The following DGLUCY variants were observed in gnomAD, a reference collection of about 807,000 sequenced individuals.
DGLUCY encodes the protein D-glutamate cyclase, mitochondrial.
A neutral mutation model predicts 58.5 loss-of-function variants in DGLUCY; 58 were observed. The observed-to-expected ratio is 0.99, with a 90% confidence interval of 0.80 to 1.23. DGLUCY has a LOEUF of 1.23. DGLUCY is among the 50% of genes most tolerant of loss of function. The pLI, the probability that DGLUCY is intolerant of heterozygous loss-of-function variation, is 0.00. For synonymous variants in DGLUCY, 325 were observed against 314.1 expected, an observed-to-expected ratio of 1.03 and a Z score of -0.37; for missense variants, 779 against 784.7, an observed-to-expected ratio of 0.99 and a Z score of 0.09.
At chr14:91,187,358 C>T (rs950907048) in intron 8 of DGLUCY, among the ~76,000 whole-genome samples, 4 of 152,210 alleles carry the variant, frequency 2.6e-5, no homozygotes, top group African/African-American at 9.6e-5. Flanking sequence ...CTCTCACGTC[C>T]CTTCAGTCCA....
At chr14:91,188,786 G>A (rs899956998) in intron 8 of DGLUCY, 124 bp from the exon 9 acceptor site, 36 of 1,116,716 alleles carry the variant, frequency 3.2e-5, no homozygotes, top group East Asian at 1.8e-4. Context: ...CTGTGATCAC[G>A]CCACTGCCTT....
At chr14:91,086,689 C>A (rs1037578572) in intron 1 of DGLUCY, among the ~76,000 whole-genome samples, 2 of 152,112 alleles carry the variant, frequency 1.3e-5, no homozygotes, top group Non-Finnish European at 2.9e-5. Context: ...TTCAGATTCT[C>A]TATCAGATCA....
At chr14:91,072,993 C>CA (rs1241063324) in intron 1 of DGLUCY, among the ~76,000 whole-genome samples, 2 of 149,066 alleles carry the variant, frequency 1.3e-5, no homozygotes, top group African/African-American at 2.5e-5. Context: ...TGGGTGACAG[C>CA]AAAAAAAATA....
At chr14:91,097,019 G>A (rs1812448421) in intron 1 of DGLUCY, among the ~76,000 whole-genome samples, 1 of 152,250 alleles carries the variant, frequency 6.6e-6, no homozygotes, top group African/African-American at 2.4e-5. Context: ...TAGACTGGTG[G>A]TGGTTGCCTT....
chr14:91,156,634 C>T (rs1354992528), intron 1 of DGLUCY, among the ~76,000 whole-genome samples: 1 of 152,190 alleles, frequency 6.6e-6, no homozygotes, highest in Non-Finnish European at 1.5e-5. Flanking sequence ...GTCTGTGGGG[C>T]TCCTCTCTGA....
chr14:91,122,601 A>AGTT (rs2045437772), intron 1 of DGLUCY, among the ~76,000 whole-genome samples: 1 of 65,866 alleles, frequency 1.5e-5, no homozygotes, highest in Non-Finnish European at 2.7e-5. Context: ...AAAAGAAAAA[A>AGTT]GTTTTTTTTT....
intron 1 of DGLUCY, among the ~76,000 whole-genome samples, chr14:91,150,363 A>C (rs975487560): frequency 3.3e-5 from 5 of 152,198 alleles, no homozygotes; most frequent in Admixed American, 2.0e-4. Context: ...ACACACACTG[A>C]GTCTGGTGTG....
intron 1 of DGLUCY, among the ~76,000 whole-genome samples, chr14:91,099,673 G>C (rs779997772): frequency 2.6e-5 from 4 of 152,124 alleles, no homozygotes; most frequent in Non-Finnish European, 4.4e-5. Flanking sequence ...ACCAACCCAG[G>C]GGATCTGCAG....
rs71120121 is a variant in DGLUCY at position 91,150,218 on chromosome 14, C to CAA, written c.-81-7398_-81-7397dup. Among the ~76,000 whole-genome samples, 495 of 64,670 alleles carry CAA rather than the reference C, an allele frequency of 7.7e-3. 27 individuals are homozygous for CAA. Among genetic ancestry groups the CAA allele is most frequent in the African/African-American group, 0.023 (362 of 15,874 alleles). 42.4% of individuals were successfully genotyped at this position (64,670 alleles called of 152,430 possible). A position where few individuals can be genotyped will look rare whatever the true frequency, so the allele number is the denominator to read the frequency against. ...TGGGTGACAGAGTGAGACTCCATCT[C>CAA]AAAAAAAAAAAAAAAAAAAAAAAAT... On this transcript the variant is annotated intron_variant, in intron 1 of 13. Coordinates refer to ENST00000256324, the MANE Select transcript of DGLUCY (RefSeq NM_001102368.3).
intron 1 of DGLUCY, among the ~76,000 whole-genome samples, chr14:91,067,689 C>T (rs929064690): frequency 2.6e-5 from 4 of 152,022 alleles, no homozygotes; most frequent in African/African-American, 9.7e-5. Flanking sequence ...GTTGGGACTA[C>T]AGGCACATGC....
At chr14:91,184,095 G>A (rs1444185442) in intron 8 of DGLUCY, among the ~76,000 whole-genome samples, 1 of 152,118 alleles carries the variant, frequency 6.6e-6, no homozygotes, top group Admixed American at 6.5e-5. Flanking sequence ...CCTCCGTGGA[G>A]AGCTGAGGGG....
At chr14:91,118,685 C>T (rs954176197) in intron 1 of DGLUCY, among the ~76,000 whole-genome samples, 1 of 152,156 alleles carries the variant, frequency 6.6e-6, no homozygotes, top group Non-Finnish European at 1.5e-5. Context: ...GATAATGAGG[C>T]ATGTTCAGCC....
In DGLUCY at chr14:91,170,101, CCTT is replaced by C. The variant is rs758640772; in HGVS notation, c.361_363del (p.Phe121del). ...TCGGAGCAGCTGAAGGACATGGTGGCCTTCTTCCTGGGCTGCAGCTTCTCCCTG... is the reference window on the plus strand; with the variant it reads ...TCGGAGCAGCTGAAGGACATGGTGGCCTTCCTGGGCTGCAGCTTCTCCCTG... On this transcript the variant is annotated inframe_deletion, in exon 5 of 14. Transcript: ENST00000256324. The C allele has an allele frequency of 1.2e-6, 2 of 1,613,000 alleles. No homozygotes were observed. The highest frequency in any genetic ancestry group is 8.5e-7 in the Non-Finnish European group (1 of 1,180,040).
At position 91,137,127 on chromosome 14, in the gene DGLUCY, C is replaced by T. The variant is rs528652021; in HGVS notation, c.-81-20512C>T. 1.1e-3 allele frequency among the ~76,000 whole-genome samples: 161 copies of T among 151,070 alleles called. 5 individuals carry two copies. The South Asian group carries it at 0.033, about 31-fold the overall frequency. On this transcript the variant is annotated intron_variant, in intron 1 of 13. Transcript: ENST00000256324. ...GAGGCAAAGGCCCAGCAGAACGTGT[C>T]TGTTCAGGTTTTTTTTTTTTTTTCC...
chr14:91,200,748 C>T (rs944221665), intron 11 of DGLUCY, among the ~76,000 whole-genome samples: 2 of 152,028 alleles, frequency 1.3e-5, no homozygotes, highest in Non-Finnish European at 2.9e-5. Flanking sequence ...GGTAATGTCA[C>T]GTGCGTCTGT....
chr14:91,214,808 T>C (rs1412873196), intron 12 of DGLUCY, among the ~76,000 whole-genome samples: 1 of 151,950 alleles, frequency 6.6e-6, no homozygotes, highest in African/African-American at 2.4e-5. Flanking sequence ...TGAGCTATGG[T>C]CGTGCTAGCC....
At chr14:91,072,325 A>G (rs2043936019) in intron 1 of DGLUCY, among the ~76,000 whole-genome samples, 1 of 74,140 alleles carries the variant, frequency 1.3e-5, no homozygotes, top group South Asian at 4.1e-4. Context: ...CTCTGTCTCA[A>G]AAAAAAAAAA....
chr14:91,205,935 G>A (rs1884621902), intron 12 of DGLUCY, among the ~76,000 whole-genome samples: 1 of 148,812 alleles, frequency 6.7e-6, no homozygotes, highest in Non-Finnish European at 1.5e-5. Flanking sequence ...CGCCTCCCGG[G>A]TTAAAGCGAT....
intron 12 of DGLUCY, among the ~76,000 whole-genome samples, chr14:91,214,050 T>A (rs1886139495): frequency 1.6e-5 from 2 of 121,408 alleles, no homozygotes; most frequent in South Asian, 2.7e-4. Flanking sequence ...TTTTTTTTTT[T>A]AACTGGAATT....
Sources: allele counts gnomAD v4.1 joint callset (sites outside exome capture counted in the v4.1 genomes callset), GRCh38; gene constraint gnomAD v4.1.1; transcripts MANE v1.5; gene names NCBI Gene and HGNC (gene_info 2026-07-23, HGNC 2026-07-21).